GRXCR2: variants seen among roughly 807,000 people sequenced by gnomAD.
GRXCR2 encodes glutaredoxin and cysteine rich domain containing 2.
A neutral mutation model predicts 24.8 loss-of-function variants in GRXCR2; 23 were observed. That is an observed-to-expected ratio of 0.93 (90% CI 0.67 to 1.32). The LOEUF is 1.32. Ranked by LOEUF, GRXCR2 falls within the 40% of genes most tolerant of loss-of-function variation. GRXCR2 has a pLI of 0.00. For synonymous variants in GRXCR2, 130 were observed against 116.1 expected, an observed-to-expected ratio of 1.12 and a Z score of -0.77; for missense variants, 315 against 303.4, an observed-to-expected ratio of 1.04 and a Z score of -0.28.
intron 1 of GRXCR2, among the ~76,000 whole-genome samples, chr5:145,869,495 AACATTC>A (rs1756491904): frequency 6.6e-6 from 1 of 152,156 alleles, no homozygotes; most frequent in African/African-American, 2.4e-5. Flanking sequence ...AATGGTGGGT[AACATTC>A]GCTAAGCACA....
At chr5:145,918,856 C>T (rs1757279435) in intron 2 of GRXCR2, among the ~76,000 whole-genome samples, 1 of 152,166 alleles carries the variant, frequency 6.6e-6, no homozygotes, top group Non-Finnish European at 1.5e-5. Context: ...AAAACACTAC[C>T]TTCGTGCCTG....
intron 2 of GRXCR2, among the ~76,000 whole-genome samples, chr5:145,881,316 A>G (rs1581338670): frequency 6.6e-6 from 1 of 152,266 alleles, no homozygotes; most frequent in Non-Finnish European, 1.5e-5. Context: ...TAAGCTGATA[A>G]GCAACTTCAG....
At chr5:145,864,733 A>T (rs1756399359) in intron 2 of GRXCR2, among the ~76,000 whole-genome samples, 1 of 152,110 alleles carries the variant, frequency 6.6e-6, no homozygotes, top group Non-Finnish European at 1.5e-5. Flanking sequence ...TGGAACTGTG[A>T]GTCAATTAAA....
chr5:145,877,639 G>A (rs190493069), upstream of GRXCR2, among the ~76,000 whole-genome samples: 2 of 152,216 alleles, frequency 1.3e-5, no homozygotes, highest in Admixed American at 1.3e-4. Flanking sequence ...AGCTCCCAAA[G>A]TGATCAACGC....
At chr5:145,905,607 G>A (rs1376627975) in intron 2 of GRXCR2, among the ~76,000 whole-genome samples, 1 of 152,120 alleles carries the variant, frequency 6.6e-6, no homozygotes, top group Non-Finnish European at 1.5e-5. Context: ...TGCTTCAAGA[G>A]AGGAAATAAA....
intron 2 of GRXCR2, among the ~76,000 whole-genome samples, chr5:145,887,525 T>C (rs1377070968): frequency 6.6e-6 from 1 of 152,222 alleles, no homozygotes; most frequent in Non-Finnish European, 1.5e-5. Context: ...GGTGAGAGGC[T>C]AGGGATGTTA....
intron 2 of GRXCR2, among the ~76,000 whole-genome samples, chr5:145,920,444 T>C (rs1334182932): frequency 1.3e-5 from 2 of 152,190 alleles, no homozygotes; most frequent in Non-Finnish European, 2.9e-5. Flanking sequence ...TCACAATGAC[T>C]GTGGAAGGTA....
chr5:145,869,671 C>T (rs572078023), intron 1 of GRXCR2, among the ~76,000 whole-genome samples: 10 of 152,012 alleles, frequency 6.6e-5, no homozygotes, highest in Admixed American at 2.0e-4. Flanking sequence ...CATTCTCCTG[C>T]CTCAGCCTCC....
In GRXCR2 at chr5:145,866,373, C is replaced by T. The variant is rs17103903; in HGVS notation, c.564+128G>A. 2,557 of 627,638 alleles carry T rather than the reference C, an allele frequency of 4.1e-3. 50 individuals carry two copies. In the African/African-American group the frequency reaches 0.043, roughly 11 times the overall value. 38.9% of individuals were successfully genotyped at this position (627,638 alleles called of 1,614,324 possible). ...TAACAAATGTTAAAATTCCTCATAT[C>T]TTCAAGTTTAGGTATCTTAAGTATT... On this transcript the variant is annotated intron_variant, in intron 2 of 2. Transcript: ENST00000377976.
intron 1 of GRXCR2, among the ~76,000 whole-genome samples, chr5:145,869,952 G>A (rs1292619046): frequency 6.6e-6 from 1 of 152,146 alleles, no homozygotes; most frequent in Non-Finnish European, 1.5e-5. Flanking sequence ...AAGGTCAACA[G>A]GGTTAACTAG....
chr5:145,900,187 G>T (rs780334434), intron 2 of GRXCR2, among the ~76,000 whole-genome samples: 2 of 152,074 alleles, frequency 1.3e-5, no homozygotes, highest in Non-Finnish European at 2.9e-5. Flanking sequence ...GGAGGTGATT[G>T]GATCATGGGG....
chr5:145,916,525 T>C lies in GRXCR2; in HGVS notation c.-70+19176A>G, dbSNP rs533276750. Among the ~76,000 whole-genome samples, 85 of 152,268 alleles carry C rather than the reference T, an allele frequency of 5.6e-4. 1 individual carries two copies. The highest frequency in any genetic ancestry group is 1.9e-3 in the African/African-American group (80 of 41,564). Reference sequence around the variant, plus strand: ...ATGAAAAAGCTCTTGAAGGAAGGCATTGGGAAGGGAAAGTCCTCCTTGTCA... The same window carrying C: ...ATGAAAAAGCTCTTGAAGGAAGGCACTGGGAAGGGAAAGTCCTCCTTGTCA... On this transcript the variant is annotated intron_variant, in intron 2 of 3. Coordinates refer to the GRXCR2 transcript ENST00000639411.
chr5:145,927,865 C>A (rs1455413695), intron 2 of GRXCR2, among the ~76,000 whole-genome samples: 2 of 152,052 alleles, frequency 1.3e-5, no homozygotes, highest in Admixed American at 6.6e-5. Context: ...GTCTAAAACA[C>A]CAAAAGCAAT....
intron 2 of GRXCR2, among the ~76,000 whole-genome samples, chr5:145,861,806 T>G (rs1756343930): frequency 6.6e-6 from 1 of 152,128 alleles, no homozygotes; most frequent in African/African-American, 2.4e-5. Context: ...TTTTATAACC[T>G]AAGAATAAAA....
chr5:145,905,470 T>C (rs1396547899), intron 2 of GRXCR2, among the ~76,000 whole-genome samples: 2 of 152,244 alleles, frequency 1.3e-5, no homozygotes, highest in South Asian at 2.1e-4. Context: ...ATGTACTATG[T>C]ACACAATATA....
At chr5:145,896,177 C>T (rs1756945043) in intron 2 of GRXCR2, among the ~76,000 whole-genome samples, 1 of 152,148 alleles carries the variant, frequency 6.6e-6, no homozygotes, top group East Asian at 1.9e-4. Context: ...ACCATAAAAA[C>T]CCTAGAAGAA....
At chr5:145,925,804 A>C (rs748504688) in intron 2 of GRXCR2, among the ~76,000 whole-genome samples, 1 of 152,216 alleles carries the variant, frequency 6.6e-6, no homozygotes, top group Non-Finnish European at 1.5e-5. Flanking sequence ...ATTTACAGTC[A>C]GTTATAGAAA....
At chr5:145,885,941 A>G (rs1756774024) in intron 2 of GRXCR2, among the ~76,000 whole-genome samples, 1 of 152,158 alleles carries the variant, frequency 6.6e-6, no homozygotes, top group African/African-American at 2.4e-5. Context: ...AAGTGCAGAG[A>G]GGTTAAGTTA....
intron 2 of GRXCR2, among the ~76,000 whole-genome samples, chr5:145,879,537 A>G (rs1409283043): frequency 6.6e-6 from 1 of 152,158 alleles, no homozygotes; most frequent in Non-Finnish European, 1.5e-5. Flanking sequence ...TACAGGAACA[A>G]CCAGATTGAT....
Sources: gnomAD v4.1 joint callset for allele counts (sites outside exome capture counted in the v4.1 genomes callset) on GRCh38, gnomAD v4.1.1 for gene constraint, MANE v1.5 for transcripts, NCBI Gene and HGNC (gene_info 2026-07-23, HGNC 2026-07-21) for gene names.